SYNCRIP: variants seen among roughly 807,000 people sequenced by gnomAD.
The protein encoded by SYNCRIP is synaptotagmin binding cytoplasmic RNA interacting protein, also known as heterogeneous nuclear ribonucleoprotein Q.
SYNCRIP carries 9 observed loss-of-function variants against 68.9 expected under a neutral mutation model. The ratio of observed to expected loss-of-function variants is 0.13; its 90% CI spans 0.08 to 0.23. SYNCRIP has a LOEUF of 0.23. Among genes scored for constraint, SYNCRIP ranks in the 10% least tolerant of loss-of-function variants. The pLI is 1.00. For synonymous variants in SYNCRIP, 258 were observed against 254.0 expected (o/e 1.02, Z -0.15); for missense variants, 414 against 770.6 (o/e 0.54, Z 5.48).
At chr6:85,619,535 T>TA (rs59858604) in intron 8 of SYNCRIP, 118 bp from the exon 9 acceptor site, 66,586 of 698,166 alleles carry the variant, frequency 0.095, 1,350 homozygotes, top group East Asian at 0.25. Flanking sequence ...TGTCAGAATA[T>TA]AAAAAAAAAA....
chr6:85,629,813 T>C (rs1158684410), intron 6 of SYNCRIP, among the ~76,000 whole-genome samples: 1 of 149,366 alleles, frequency 6.7e-6, no homozygotes, highest in Non-Finnish European at 1.5e-5. Flanking sequence ...CAAGGCGAGA[T>C]TCATATCAAA....
Position 85,614,199 on chromosome 6 carries a change from C to A in SYNCRIP, c.*557G>T, listed in dbSNP as rs1461602670. ...TTTTGTGAAAAACGAATTGTAAACA[C>A]AATTTTAGTAAGTATACATTTAGGT... On this transcript the variant is annotated 3_prime_UTR_variant, in exon 11 of 11. Transcript: ENST00000369622. The A allele has an allele frequency of 4.1e-6, 4 of 985,552 alleles. No homozygotes were observed. The highest frequency in any genetic ancestry group is 4.8e-6 in the Non-Finnish European group (4 of 829,834). The allele number at this position is 985,552 out of a possible 1,614,324, so 61.1% of individuals were successfully genotyped here.
chr6:85,618,832 T>C lies in SYNCRIP; in HGVS notation c.1266A>G (p.Ala422=). The part of the protein sequence containing the change: ...KRKERKAQRQ[A]AKNQMYDDYY... Reference sequence around the variant, plus strand: ...ATTTCACTCACATTTGATTTTTTGCTGCTTGCCTCTGAGCTTTTCTTTCTT... The same window carrying C: ...ATTTCACTCACATTTGATTTTTTGCCGCTTGCCTCTGAGCTTTTCTTTCTT... Residue 422 remains alanine (A), a synonymous_variant, in exon 10 of 11, where the codon GCA becomes GCG. Coordinates refer to ENST00000369622, the MANE Select transcript of SYNCRIP (RefSeq NM_006372.5). 2 of 1,607,180 alleles carry C rather than the reference T, an allele frequency of 1.2e-6. No homozygotes were observed. Among genetic ancestry groups the C allele is most frequent in the Non-Finnish European group, 1.7e-6 (2 of 1,177,072 alleles).
intron 6 of SYNCRIP, among the ~76,000 whole-genome samples, chr6:85,626,714 G>T (rs1807078041): frequency 6.6e-6 from 1 of 152,104 alleles, no homozygotes; most frequent in South Asian, 2.1e-4. Flanking sequence ...CTGTAACATA[G>T]GCAACACTTC....
chr6:85,618,158 T>A (rs1025168658), intron 10 of SYNCRIP, among the ~76,000 whole-genome samples: 1 of 152,070 alleles, frequency 6.6e-6, no homozygotes, highest in African/African-American at 2.4e-5. Flanking sequence ...GAGAAAAAAC[T>A]CTCCACCCTT....
chr6:85,628,047 T>C (rs534754767), intron 6 of SYNCRIP, among the ~76,000 whole-genome samples: 7 of 152,214 alleles, frequency 4.6e-5, no homozygotes, highest in African/African-American at 7.2e-5. Context: ...GCCTTCCACA[T>C]TGAAGATTTC....
downstream of SYNCRIP, among the ~76,000 whole-genome samples, chr6:85,613,190 TAA>T (rs1195488649): frequency 2.1e-5 from 3 of 141,632 alleles, no homozygotes; most frequent in African/African-American, 2.6e-5. Context: ...TGATTTTATT[TAA>T]AAAAAAAAAA....
upstream of SYNCRIP, chr6:85,643,060 C>T (rs150345600): frequency 0.029 from 4,310 of 149,964 alleles, 122 homozygotes; most frequent in Non-Finnish European, 0.046. Flanking sequence ...ACTCCCTCAG[C>T]CCCTGCCCTC....
intron 1 of SYNCRIP, among the ~76,000 whole-genome samples, chr6:85,641,799 G>A (rs1229720150): frequency 1.3e-5 from 2 of 152,262 alleles, no homozygotes; most frequent in African/African-American, 4.8e-5. Context: ...AAGCAAAACT[G>A]GGCTCCTCTC....
At position 85,640,233 on chromosome 6, in the gene SYNCRIP, C is replaced by T. The variant is rs1446843535; in HGVS notation, c.363G>A (p.Glu121=). The T allele has an allele frequency of 5.0e-6, 8 of 1,612,152 alleles. No individual in the cohort carries two copies. The highest frequency in any genetic ancestry group is 2.7e-5 in the African/African-American group (2 of 74,802). The part of the protein sequence containing the change: ...KVADSSKGPD[E]AKIKALLERT... Reference sequence around the variant, plus strand: ...TAGAAAGACATACCTTAATTTTTGCCTCATCTGGTCCTTTACTAGAATCTG... The same window carrying T: ...TAGAAAGACATACCTTAATTTTTGCTTCATCTGGTCCTTTACTAGAATCTG... The change falls in exon 4 of 11, where the codon GAG becomes GAA. Residue 121 remains glutamate, a synonymous_variant. Transcript: ENST00000369622.
At chr6:85,626,340 T>C (rs73483591) in intron 6 of SYNCRIP, among the ~76,000 whole-genome samples, 2,419 of 152,180 alleles carry the variant, frequency 0.016, 72 homozygotes, top group African/African-American at 0.055. Flanking sequence ...AAATTGGTCA[T>C]GCAATCAGTA....
At position 85,614,513 on chromosome 6, in the gene SYNCRIP, G is replaced by A; in HGVS notation, c.*243C>T. ...GAGCCAAATTTTCTCAAGCACAAAT[G>A]CAAACTCATTAACTATTTCTTTCAG... is the stretch of plus-strand genomic sequence containing the variant. On this transcript the variant is annotated 3_prime_UTR_variant, in exon 11 of 11. Transcript: ENST00000369622. 1 of 1,201,802 alleles carries A rather than the reference G, an allele frequency of 8.3e-7. No individual in the cohort carries two copies. Among genetic ancestry groups the A allele is most frequent in the Non-Finnish European group, 1.0e-6 (1 of 968,248 alleles). 74.4% of individuals were successfully genotyped at this position (1,201,802 alleles called of 1,614,324 possible).
chr6:85,636,881 T>C, intron 6 of SYNCRIP, 86 bp downstream of exon 6: 2 of 1,335,640 alleles, frequency 1.5e-6, no homozygotes, highest in Non-Finnish European at 2.0e-6. Flanking sequence ...AAAAAATGTT[T>C]GGTAAACTCT....
rs1415692697 is a variant in SYNCRIP, at chr6:85,615,004, C to T, written c.1624G>A (p.Ala542Thr). 13 of 1,613,488 alleles carry T rather than the reference C, an allele frequency of 8.1e-6. No individual in the cohort carries two copies. Among genetic ancestry groups the T allele is most frequent in the Non-Finnish European group, 1.1e-5 (13 of 1,179,716 alleles). ...ACCCCGCGGCCTCTTTGTTGTTGGG[C>T]ACCTCCTCTCGCACCTCGAACGCCT... ...ARGVRGARGG[A>T]QQQRGRGVRG... The change falls in exon 11 of 11, where the codon GCC (alanine) becomes ACC (threonine). Residue 542 changes from alanine to threonine, a missense_variant. By Grantham distance (58) the Ala-to-Thr change is moderately conservative. Transcript: ENST00000369622.
downstream of SYNCRIP, chr6:85,609,597 T>C (rs1805092489): frequency 6.6e-6 from 1 of 151,924 alleles, no homozygotes; most frequent in African/African-American, 2.4e-5. Flanking sequence ...TCTGATTCAG[T>C]GGCAATGGCT....
chr6:85,637,214 C>T (rs1391551045), intron 5 of SYNCRIP, 29 bp downstream of exon 5: 1 of 1,608,078 alleles, frequency 6.2e-7, no homozygotes, highest in Non-Finnish European at 8.5e-7. Context: ...GCTTTTACTA[C>T]AAAAGGTACA....
In SYNCRIP at chr6:85,629,516, C is replaced by CAAAAAAAAAAAA. The variant is rs781083306; in HGVS notation, c.667-5416_667-5405dup. 1.4e-3 allele frequency among the ~76,000 whole-genome samples: 92 copies of CAAAAAAAAAAAA among 64,890 alleles called. 1 individual carries two copies. Among genetic ancestry groups the CAAAAAAAAAAAA allele is most frequent in the East Asian group, 7.1e-3 (14 of 1,964 alleles). 42.6% of individuals were successfully genotyped at this position (64,890 alleles called of 152,430 possible). ...CAGCCTGGTCAACAAACTAAAAATA[C>CAAAAAAAAAAAA]AAAAAAAAAAAAAAAAAAAAAAAAG... On this transcript the variant is annotated intron_variant, in intron 6 of 10. Transcript: ENST00000369622.
intron 2 of SYNCRIP, among the ~76,000 whole-genome samples, chr6:85,641,046 T>C (rs144636741): frequency 1.1e-3 from 173 of 152,322 alleles, no homozygotes; most frequent in African/African-American, 4.1e-3. Flanking sequence ...TTAGCAGCTG[T>C]TGCTACTATC....
intron 6 of SYNCRIP, among the ~76,000 whole-genome samples, chr6:85,634,147 G>C (rs956348362): frequency 6.6e-6 from 1 of 152,066 alleles, no homozygotes; most frequent in Non-Finnish European, 1.5e-5. Context: ...TATATTCTAA[G>C]CAACCTACAG....
Sources: gnomAD v4.1 joint callset for allele counts (sites outside exome capture counted in the v4.1 genomes callset) on GRCh38, gnomAD v4.1.1 for gene constraint, MANE v1.5 for transcripts, NCBI Gene and HGNC (gene_info 2026-07-23, HGNC 2026-07-21) for gene names.